Variants in CD82 observed in about 807,000 individuals in gnomAD.
CD82 encodes CD82 antigen.
CD82 carries 36 observed loss-of-function variants against 37.4 expected under a neutral mutation model. The ratio of observed to expected loss-of-function variants is 0.96; its 90% CI spans 0.74 to 1.27. The LOEUF (loss-of-function observed/expected upper bound fraction) is 1.27. CD82 is among the 50% of genes most tolerant of loss of function. CD82 has a pLI of 0.00. For missense variants in CD82, 340 were observed against 347.0 expected (o/e 0.98, Z 0.16); for synonymous variants, 158 against 137.4 (o/e 1.15, Z -1.05).
intron 4 of CD82, among the ~76,000 whole-genome samples, chr11:44,603,195 C>G (rs765677078): frequency 2.6e-5 from 4 of 152,160 alleles, no homozygotes; most frequent in Non-Finnish European, 4.4e-5. Flanking sequence ...CCCGCACTCA[C>G]CCTGAGGAAG....
intron 3 of CD82, among the ~76,000 whole-genome samples, chr11:44,599,482 C>T (rs1853275993): frequency 1.3e-5 from 2 of 152,236 alleles, no homozygotes; most frequent in Non-Finnish European, 2.9e-5. Flanking sequence ...CAGTTTGGTT[C>T]ATCAGCTCAT....
intron 1 of CD82, among the ~76,000 whole-genome samples, chr11:44,575,988 C>T (rs983774594): frequency 3.9e-5 from 6 of 152,210 alleles, no homozygotes; most frequent in African/African-American, 1.4e-4. Flanking sequence ...AGCAGAGATG[C>T]CTTCCCTGAA....
intron 1 of CD82, among the ~76,000 whole-genome samples, chr11:44,570,454 C>G (rs560638584): frequency 6.6e-6 from 1 of 152,260 alleles, no homozygotes; most frequent in Non-Finnish European, 1.5e-5. Flanking sequence ...TGGCATACAG[C>G]AGGCACTTGG....
At position 44,571,406 on chromosome 11, in the gene CD82, G is replaced by A. The variant is rs187027437; in HGVS notation, c.-103+5670G>A. The stretch of plus-strand genomic sequence containing the variant: ...GCTAGGCGTGACTTTGTGTCTTACC[G>A]CTCTGTGCATCAGTTTCAGCATCTA... On this transcript the variant is annotated intron_variant, in intron 1 of 9. Transcript: ENST00000227155. Among the ~76,000 whole-genome samples, 239 of 152,248 alleles carry A rather than the reference G, an allele frequency of 1.6e-3. 2 individuals carry two copies. Among genetic ancestry groups the A allele is most frequent in the Middle Eastern group, 3.4e-3 (1 of 294 alleles).
chr11:44,575,108 G>A (rs979619406), intron 1 of CD82, among the ~76,000 whole-genome samples: 2 of 152,216 alleles, frequency 1.3e-5, no homozygotes, highest in Non-Finnish European at 2.9e-5. Flanking sequence ...CAGCCCTACT[G>A]GTGGGGGAGC....
intron 6 of CD82, 159 bp downstream of exon 6, chr11:44,605,588 G>A: frequency 2.9e-6 from 2 of 684,878 alleles, no homozygotes. Context: ...GATCAAATGG[G>A]GGAGCGTTAG....
At chr11:44,589,586 G>A (rs1011309935) in intron 2 of CD82, among the ~76,000 whole-genome samples, 8 of 152,224 alleles carry the variant, frequency 5.3e-5, no homozygotes, top group Admixed American at 2.0e-4. Context: ...AGTCCTGACT[G>A]TACCAGGCGC....
At chr11:44,581,176 A>G (rs1282611700) in intron 1 of CD82, among the ~76,000 whole-genome samples, 1 of 152,158 alleles carries the variant, frequency 6.6e-6, no homozygotes, top group East Asian at 1.9e-4. Flanking sequence ...TTGGTGGGGT[A>G]ATTTTCATTA....
intron 1 of CD82, among the ~76,000 whole-genome samples, chr11:44,570,767 C>T (rs577929873): frequency 6.6e-6 from 1 of 152,348 alleles, no homozygotes; most frequent in South Asian, 2.1e-4. Flanking sequence ...TCAGTCCTAA[C>T]CCAGGAAGGG....
intron 1 of CD82, among the ~76,000 whole-genome samples, chr11:44,587,057 A>G (rs1853065923): frequency 6.6e-6 from 1 of 152,180 alleles, no homozygotes; most frequent in Non-Finnish European, 1.5e-5. Context: ...CCCTACCCCT[A>G]GAGATCCTGA....
chr11:44,608,846 T>A (rs1484301087), intron 6 of CD82, among the ~76,000 whole-genome samples: 1 of 152,202 alleles, frequency 6.6e-6, no homozygotes, highest in South Asian at 2.1e-4. Flanking sequence ...TAAAATCTGA[T>A]CCTGTCTCGA....
chr11:44,581,004 C>T (rs1852971458), intron 1 of CD82, among the ~76,000 whole-genome samples: 1 of 152,114 alleles, frequency 6.6e-6, no homozygotes, highest in Non-Finnish European at 1.5e-5. Flanking sequence ...TCTAATCACC[C>T]TACTCAGGGC....
At position 44,597,397 on chromosome 11, in the gene CD82, C is replaced by A. The variant is rs548327911; in HGVS notation, c.63+2672C>A. Among the ~76,000 whole-genome samples, 1 of 152,336 alleles carries A rather than the reference C, an allele frequency of 6.6e-6. No homozygotes were observed. The highest frequency in any genetic ancestry group is 2.4e-5 in the African/African-American group (1 of 41,580). On this transcript the variant is annotated intron_variant, in intron 3 of 9. Transcript: ENST00000227155. This position sits in a 1 kb window ranked among gnomAD's most constrained non-coding sequence, Gnocchi z 4.1. ...TTAACATGGGGCCTGCCCCACAGCT[C>A]CAGTCTTGGTTCACAGAGAAAAAGG...
chr11:44,576,618 G>A (rs988928046), intron 1 of CD82, among the ~76,000 whole-genome samples: 1 of 151,806 alleles, frequency 6.6e-6, no homozygotes, highest in African/African-American at 2.4e-5. Context: ...GCTGGTCACC[G>A]GGAGACCCCT....
In CD82 at chr11:44,594,775, C is replaced by T. The variant is rs369693288; in HGVS notation, c.63+50C>T. ...ACCACCTCCGAAAAGATTCTCCTTC[C>T]AGGGGCATCCCAGCCTGAGCCTTTC... is the stretch of plus-strand genomic sequence containing the variant. On this transcript the variant is annotated intron_variant, in intron 3 of 9. Coordinates refer to ENST00000227155, the MANE Select transcript of CD82 (RefSeq NM_002231.4). The T allele has an allele frequency of 3.1e-4, 464 of 1,478,864 alleles. 3 individuals are homozygous for T. In the African/African-American group the frequency reaches 5.8e-3, roughly 18 times the overall value. 91.6% of individuals were successfully genotyped at this position (1,478,864 alleles called of 1,614,324 possible). A position where few individuals can be genotyped will look rare whatever the true frequency, so the allele number is the denominator to read the frequency against.
At chr11:44,587,675 A>T in intron 2 of CD82, 119 bp downstream of exon 2, 1 of 440,572 alleles carries the variant, frequency 2.3e-6, no homozygotes, top group Non-Finnish European at 4.6e-6. Context: ...AGGTGGGTGG[A>T]GGGACCACTT....
intron 4 of CD82, among the ~76,000 whole-genome samples, chr11:44,600,634 C>G (rs1407792150): frequency 6.6e-6 from 1 of 152,198 alleles, no homozygotes; most frequent in Non-Finnish European, 1.5e-5. Flanking sequence ...TGATGAGGCA[C>G]CTGCTATGAG....
chr11:44,576,062 G>A (rs932834605), intron 1 of CD82, among the ~76,000 whole-genome samples: 3 of 152,158 alleles, frequency 2.0e-5, no homozygotes, highest in Non-Finnish European at 4.4e-5. Context: ...CTCTGCGCTA[G>A]GATCTTGCTC....
At chr11:44,578,194 G>A (rs1852926503) in intron 1 of CD82, among the ~76,000 whole-genome samples, 1 of 151,910 alleles carries the variant, frequency 6.6e-6, no homozygotes, top group Non-Finnish European at 1.5e-5. Flanking sequence ...GGAACAAATA[G>A]TCCCCTTTTC....
Sources: allele counts gnomAD v4.1 joint callset (sites outside exome capture counted in the v4.1 genomes callset), GRCh38; gene constraint gnomAD v4.1.1; non-coding constraint Gnocchi (gnomAD v3.1); transcripts MANE v1.5; gene names NCBI Gene and HGNC (gene_info 2026-07-23, HGNC 2026-07-21).